Variants in ARFGEF2 observed in about 807,000 individuals in gnomAD.
ARFGEF2 encodes the protein brefeldin A-inhibited guanine nucleotide-exchange protein 2.
A neutral mutation model predicts 219.9 loss-of-function variants in ARFGEF2; 74 were observed. That is an observed-to-expected ratio of 0.34 (90% confidence interval 0.28 to 0.41). The LOEUF (loss-of-function observed/expected upper bound fraction) is 0.41, where lower values mean the gene tolerates loss of function less well. ARFGEF2 is among the 10% of genes least tolerant of loss of function. The pLI is 1.00. For missense variants in ARFGEF2, 1,743 were observed against 2,218.3 expected (o/e 0.79, Z 4.30); for synonymous variants, 733 against 799.2 (o/e 0.92, Z 1.40).
chr20:48,940,646 T>G (rs546415617), intron 1 of ARFGEF2, among the ~76,000 whole-genome samples: 1 of 152,362 alleles, frequency 6.6e-6, no homozygotes, highest in African/African-American at 2.4e-5. Context: ...TAGTTCTTGA[T>G]GTGCAACAGT....
Position 49,011,962 on chromosome 20 carries a change from T to G in ARFGEF2, c.3796T>G (p.Ser1266Ala), listed in dbSNP as rs753872438. ...FQHHFPAAID[S>A]FQDAVKCLSE... ...GCACCATTTTCCTGCAGCCATCGAT[T>G]CCTTTCAGGATGCTGTGAAGTGCTT... is the stretch of plus-strand genomic sequence containing the variant. Residue 1266 changes from serine (S) to alanine (A), a missense_variant, in exon 28 of 39, where the codon TCC becomes GCC. Around this residue, in one of 5 missense-constraint regions of ARFGEF2, gnomAD observed 578 missense variants for 664.0 expected, o/e 0.87. Coordinates refer to ENST00000371917, the MANE Select transcript of ARFGEF2 (RefSeq NM_006420.3). 4.3e-6 allele frequency: 7 copies of G among 1,614,242 alleles called. No homozygotes were observed. The South Asian group carries it at 6.6e-5, about 15-fold the overall frequency.
intron 7 of ARFGEF2, among the ~76,000 whole-genome samples, chr20:48,964,294 A>G (rs142383798): frequency 1.4e-3 from 217 of 152,332 alleles, no homozygotes; most frequent in African/African-American, 4.3e-3. Context: ...AGTCCCAGCT[A>G]TTCGGGAGGC....
At chr20:49,019,052 A>G (rs1241025148) in intron 34 of ARFGEF2, 54 bp downstream of exon 34, 44 of 1,440,324 alleles carry the variant, frequency 3.1e-5, no homozygotes, top group Non-Finnish European at 4.2e-5. Context: ...TGTGATTCAT[A>G]TATTCAGAAG....
chr20:48,931,899 T>A (rs565505416), intron 1 of ARFGEF2, among the ~76,000 whole-genome samples: 1 of 152,248 alleles, frequency 6.6e-6, no homozygotes, highest in South Asian at 2.1e-4. Flanking sequence ...CAAAGGAGTG[T>A]TGTGATCTGA....
At chr20:48,952,488 T>G (rs565900101) in intron 4 of ARFGEF2, among the ~76,000 whole-genome samples, 3 of 152,306 alleles carry the variant, frequency 2.0e-5, no homozygotes, top group Admixed American at 6.5e-5. Flanking sequence ...GTGATTTGGA[T>G]TTCATAGAAC....
chr20:48,953,677 C>T lies in ARFGEF2; in HGVS notation c.725C>T (p.Pro242Leu), dbSNP rs2091086822. The change falls in exon 6 of 39, where the codon CCA becomes CTA. Residue 242 changes from proline to leucine, a missense_variant. Physicochemically the swap from Pro to Leu is moderately conservative, Grantham distance 98. This residue lies in a region of ARFGEF2 where 394 missense variants were observed against 426.6 expected (regional missense o/e 0.92). Transcript: ENST00000371917. Reference sequence around the variant, plus strand: ...AAGCACAGTCAGGCACAAAGCAAACCAACAACTCCCGAAAAAACAGATTTA... The same window carrying T: ...AAGCACAGTCAGGCACAAAGCAAACTAACAACTCCCGAAAAAACAGATTTA... Reference protein sequence around the residue: ...RLKHSQAQSKPTTPEKTDLTN... With the variant: ...RLKHSQAQSKLTTPEKTDLTN... The T allele has an allele frequency of 3.1e-6, 5 of 1,613,980 alleles. No homozygotes were observed. Among genetic ancestry groups the T allele is most frequent in the Non-Finnish European group, 3.4e-6 (4 of 1,180,030 alleles).
At chr20:49,014,015 G>T (rs1389579120) in intron 30 of ARFGEF2, 55 bp downstream of exon 30, 3 of 1,608,428 alleles carry the variant, frequency 1.9e-6, no homozygotes, top group African/African-American at 2.7e-5. Context: ...AGCCTTTCTG[G>T]CCGGTATTTG....
chr20:49,002,427 G>A (rs1340827709), intron 25 of ARFGEF2, among the ~76,000 whole-genome samples: 3 of 152,020 alleles, frequency 2.0e-5, no homozygotes, highest in Non-Finnish European at 4.4e-5. Flanking sequence ...CTGACCACAG[G>A]CAACCACCAT....
At chr20:48,968,004 AT>A (rs1215621465) in intron 8 of ARFGEF2, among the ~76,000 whole-genome samples, 1 of 151,908 alleles carries the variant, frequency 6.6e-6, no homozygotes, top group Non-Finnish European at 1.5e-5. Context: ...TTTTTATTTT[AT>A]TTTTTTGAGT....
intron 1 of ARFGEF2, among the ~76,000 whole-genome samples, chr20:48,930,600 G>A (rs2090907273): frequency 6.6e-6 from 1 of 152,290 alleles, no homozygotes; most frequent in African/African-American, 2.4e-5. Context: ...TGGGAATGTG[G>A]GAAGAGGACT....
intron 14 of ARFGEF2, among the ~76,000 whole-genome samples, chr20:48,984,032 C>A (rs1193109189): frequency 4.0e-5 from 6 of 150,260 alleles, no homozygotes; most frequent in Non-Finnish European, 7.4e-5. Context: ...CACAGTGAGA[C>A]CCTGTCTCTT....
intron 8 of ARFGEF2, among the ~76,000 whole-genome samples, chr20:48,966,542 A>G (rs1050633053): frequency 6.6e-6 from 1 of 152,198 alleles, no homozygotes; most frequent in African/African-American, 2.4e-5. Flanking sequence ...TCTCAGGCCC[A>G]TAGATATGTC....
At chr20:48,964,883 T>G (rs1407832779) in intron 7 of ARFGEF2, among the ~76,000 whole-genome samples, 1 of 152,232 alleles carries the variant, frequency 6.6e-6, no homozygotes, top group Non-Finnish European at 1.5e-5. Flanking sequence ...ACAAATGATC[T>G]GACTGTATCA....
intron 1 of ARFGEF2, among the ~76,000 whole-genome samples, chr20:48,931,604 A>G (rs969204352): frequency 6.6e-6 from 1 of 151,252 alleles, no homozygotes; most frequent in African/African-American, 2.4e-5. Flanking sequence ...GTGCTGAGGA[A>G]GTCCCCTGAG....
intron 12 of ARFGEF2, 137 bp from the exon 13 acceptor site, chr20:48,974,629 G>A: frequency 1.4e-6 from 1 of 702,730 alleles, no homozygotes; most frequent in Non-Finnish European, 2.5e-6. Flanking sequence ...TCTTAGCTCT[G>A]GGTTTGTTTC....
In ARFGEF2 at chr20:49,016,400, T is replaced by C; in HGVS notation, c.4300T>C (p.Trp1434Arg). Residue 1434 changes from tryptophan (W) to arginine (R), a missense_variant, in exon 31 of 39, where the codon TGG (tryptophan) becomes CGG (arginine). Trp to Arg is a moderately radical substitution (Grantham distance 101). Coordinates refer to ENST00000371917, the MANE Select transcript of ARFGEF2 (RefSeq NM_006420.3). ...TTCTGATGTATTTGCACAATTGCAG[T>C]GGTGTGTCAAACAAGGTACTCTTTA... The part of the protein sequence containing the change: ...LLSDVFAQLQ[W>R]CVKQDNEQLA... 2 of 1,613,180 alleles carry C rather than the reference T, an allele frequency of 1.2e-6. No homozygotes were observed. Among genetic ancestry groups the C allele is most frequent in the Non-Finnish European group, 1.7e-6 (2 of 1,179,958 alleles).
intron 14 of ARFGEF2, among the ~76,000 whole-genome samples, chr20:48,979,708 G>T (rs1477471484): frequency 6.6e-6 from 1 of 152,192 alleles, no homozygotes; most frequent in African/African-American, 2.4e-5. Context: ...TCTTGGGAGG[G>T]TGTATGTGTC....
At chr20:49,030,828 C>A (rs972504001) in intron 37 of ARFGEF2, among the ~76,000 whole-genome samples, 1 of 152,060 alleles carries the variant, frequency 6.6e-6, no homozygotes, top group Admixed American at 6.6e-5. Flanking sequence ...CCTGTCTCTA[C>A]TAAAAATACA....
chr20:49,018,344 TGCC>T (rs2091543873), intron 33 of ARFGEF2, among the ~76,000 whole-genome samples: 1 of 152,176 alleles, frequency 6.6e-6, no homozygotes, highest in Admixed American at 6.5e-5. Context: ...GCGATTCTCA[TGCC>T]TCAGCCTCCC....
Sources: gnomAD v4.1 joint callset for allele counts (sites outside exome capture counted in the v4.1 genomes callset) on GRCh38, gnomAD v4.1.1 for gene constraint, gnomAD v4.1.1 regional missense constraint, MANE v1.5 for transcripts, NCBI Gene and HGNC (gene_info 2026-07-23, HGNC 2026-07-21) for gene names.